Variants in ERBB4 observed in about 807,000 individuals in gnomAD.
ERBB4 encodes erb-b2 receptor tyrosine kinase 4.
In ERBB4, 42 loss-of-function variants were observed where a neutral mutation model predicts 158.0. The ratio of observed to expected loss-of-function variants is 0.27; its 90% CI spans 0.21 to 0.34. The LOEUF (loss-of-function observed/expected upper bound fraction) is 0.34, where lower values mean the gene tolerates loss of function less well. Ranked by LOEUF, ERBB4 falls within the 10% of genes least tolerant of loss-of-function variation. The pLI, the probability that ERBB4 is intolerant of heterozygous loss-of-function variation, is 1.00. For missense variants in ERBB4, 1,333 were observed against 1,624.1 expected (o/e 0.82, Z 3.08); for synonymous variants, 583 against 558.7 (o/e 1.04, Z -0.61).
At chr2:211,718,147 C>T (rs567773506) in intron 7 of ERBB4, among the ~76,000 whole-genome samples, 2 of 152,188 alleles carry the variant, frequency 1.3e-5, no homozygotes, top group South Asian at 2.1e-4. Context: ...CCTGACCTCA[C>T]GTGATCTGTC....
At chr2:211,787,014 A>G (rs2076180898) in intron 4 of ERBB4, among the ~76,000 whole-genome samples, 1 of 152,202 alleles carries the variant, frequency 6.6e-6, no homozygotes, top group Non-Finnish European at 1.5e-5. Flanking sequence ...TTTATTAAAA[A>G]CACAGCTGTC....
At chr2:211,958,188 A>C (rs560276671) in intron 2 of ERBB4, among the ~76,000 whole-genome samples, 1 of 152,266 alleles carries the variant, frequency 6.6e-6, no homozygotes, top group East Asian at 1.9e-4. Flanking sequence ...TAAAAAAACA[A>C]ATATTTGCTT....
intron 20 of ERBB4, among the ~76,000 whole-genome samples, chr2:211,513,413 T>C (rs1175004402): frequency 6.8e-6 from 1 of 147,322 alleles, no homozygotes; most frequent in Non-Finnish European, 1.5e-5. Context: ...AGTATGTCAA[T>C]GGTCAACTAT....
At chr2:212,127,687 T>C (rs907943089) in intron 1 of ERBB4, among the ~76,000 whole-genome samples, 1 of 152,188 alleles carries the variant, frequency 6.6e-6, no homozygotes, top group Non-Finnish European at 1.5e-5. Context: ...CTTTTTTCGA[T>C]GTGGACCAGG....
chr2:211,612,202 A>T (rs960153928), intron 19 of ERBB4, among the ~76,000 whole-genome samples: 1 of 150,936 alleles, frequency 6.6e-6, no homozygotes, highest in Non-Finnish European at 1.5e-5. Context: ...TATAGAGAGG[A>T]TGTAAAGGAG....
At chr2:211,920,891 G>T (rs191516457) in intron 3 of ERBB4, among the ~76,000 whole-genome samples, 80 of 151,896 alleles carry the variant, frequency 5.3e-4, no homozygotes, top group Non-Finnish European at 9.1e-4. Context: ...TTAAAGTACA[G>T]AGTATAGAGC....
chr2:212,468,835 C>T (rs1688974025), intron 1 of ERBB4, among the ~76,000 whole-genome samples: 1 of 152,162 alleles, frequency 6.6e-6, no homozygotes, highest in South Asian at 2.1e-4. Context: ...TTCAACACAA[C>T]CATTTGAACA....
At chr2:211,524,208 C>T (rs111381096) in intron 20 of ERBB4, among the ~76,000 whole-genome samples, 38 of 152,164 alleles carry the variant, frequency 2.5e-4, no homozygotes, top group Non-Finnish European at 3.7e-4. Flanking sequence ...GGTGCATTCA[C>T]AGACCCTGAG....
intron 4 of ERBB4, among the ~76,000 whole-genome samples, chr2:211,785,227 G>A (rs949224975): frequency 1.3e-5 from 2 of 151,400 alleles, no homozygotes; most frequent in Admixed American, 6.6e-5. Context: ...TCAGCCTCCC[G>A]AGTAGCTGGG....
intron 12 of ERBB4, among the ~76,000 whole-genome samples, chr2:211,687,876 C>T (rs762045545): frequency 2.4e-4 from 37 of 152,070 alleles, no homozygotes; most frequent in African/African-American, 6.8e-4. Flanking sequence ...TTGTACTTAG[C>T]GGGAGGAAAA....
intron 1 of ERBB4, among the ~76,000 whole-genome samples, chr2:212,286,800 G>A (rs1395119966): frequency 1.4e-4 from 1 of 7,252 alleles, no homozygotes; most frequent in Non-Finnish European, 5.9e-4. Context: ...TGTAGAGACG[G>A]GATTTCCGCC....
chr2:211,918,311 T>G lies in ERBB4; in HGVS notation c.421+29119A>C, dbSNP rs573158947. On this transcript the variant is annotated intron_variant, in intron 3 of 27. Transcript: ENST00000342788. ...GAAATGGGCAAGGAACTATAAAATGTAAAATATTTAAAACTTTTTTTTATG... is the reference window on the plus strand; with the variant it reads ...GAAATGGGCAAGGAACTATAAAATGGAAAATATTTAAAACTTTTTTTTATG... Among the ~76,000 whole-genome samples the G allele has an allele frequency of 9.8e-5, 15 of 152,292 alleles. No individual in the cohort carries two copies. In the East Asian group the frequency reaches 2.7e-3, roughly 27 times the overall value.
At chr2:211,798,884 C>T (rs1481567874) in intron 3 of ERBB4, among the ~76,000 whole-genome samples, 1 of 152,160 alleles carries the variant, frequency 6.6e-6, no homozygotes, top group African/African-American at 2.4e-5. Context: ...CTATAACTTA[C>T]TATCTTTCCC....
At chr2:211,502,684 A>C (rs1429167703) in intron 20 of ERBB4, among the ~76,000 whole-genome samples, 1 of 152,186 alleles carries the variant, frequency 6.6e-6, no homozygotes, top group Admixed American at 6.5e-5. Context: ...GTATAAATGT[A>C]GAGTACAATG....
chr2:212,444,326 A>G (rs2092309428), intron 1 of ERBB4, among the ~76,000 whole-genome samples: 1 of 152,184 alleles, frequency 6.6e-6, no homozygotes, highest in Admixed American at 6.5e-5. Context: ...TTTGAGCAGT[A>G]CACCTGGTTG....
chr2:211,731,653 C>G (rs1255388517), intron 5 of ERBB4, among the ~76,000 whole-genome samples: 1 of 151,980 alleles, frequency 6.6e-6, no homozygotes, highest in Admixed American at 6.6e-5. Context: ...CTCTAAGATT[C>G]AAAATTTATT....
At position 211,909,161 on chromosome 2, in the gene ERBB4, G is replaced by A. The variant is rs189431507; in HGVS notation, c.421+38269C>T. 1.8e-3 allele frequency among the ~76,000 whole-genome samples: 268 copies of A among 151,734 alleles called. 1 individual carries two copies. The highest frequency in any genetic ancestry group is 6.1e-3 in the African/African-American group (255 of 41,510). ...GTCTTTATAGTGTGAAATATTCTCT[G>A]CAATAAATATCCATAAGCTATTTCA... On this transcript the variant is annotated intron_variant, in intron 3 of 27. Transcript: ENST00000342788.
At chr2:211,665,823 A>G (rs887752821) in intron 14 of ERBB4, among the ~76,000 whole-genome samples, 3 of 152,312 alleles carry the variant, frequency 2.0e-5, no homozygotes, top group Non-Finnish European at 4.4e-5. Flanking sequence ...CTGTCCAATG[A>G]CTTTCTCAAA....
intron 2 of ERBB4, among the ~76,000 whole-genome samples, chr2:212,092,553 G>T (rs186405301): frequency 4.1e-4 from 62 of 152,158 alleles, no homozygotes; most frequent in African/African-American, 1.4e-3. Context: ...AAATGATATC[G>T]TTTACAGAAA....
Sources: allele counts gnomAD v4.1 joint callset (sites outside exome capture counted in the v4.1 genomes callset), GRCh38; gene constraint gnomAD v4.1.1; transcripts MANE v1.5; gene names NCBI Gene and HGNC (gene_info 2026-07-23, HGNC 2026-07-21).